LRRC4C: variants seen among roughly 807,000 people sequenced by gnomAD.
The protein encoded by LRRC4C is leucine rich repeat containing 4C, also known as leucine-rich repeat-containing protein 4C.
In LRRC4C, 5 loss-of-function variants were observed where a neutral mutation model predicts 33.6. That is an observed-to-expected ratio of 0.15 (90% CI 0.08 to 0.31). The LOEUF (loss-of-function observed/expected upper bound fraction) is 0.31. Among genes scored for constraint, LRRC4C ranks in the 10% least tolerant of loss-of-function variants. The pLI, the probability that LRRC4C is intolerant of heterozygous loss-of-function variation, is 1.00. For missense variants in LRRC4C, 560 were observed against 796.7 expected (o/e 0.70, Z 3.58); for synonymous variants, 329 against 302.0 (o/e 1.09, Z -0.93).
chr11:41,085,752 C>T (rs1939925344), intron 1 of LRRC4C, among the ~76,000 whole-genome samples: 1 of 151,862 alleles, frequency 6.6e-6, no homozygotes, highest in African/African-American at 2.4e-5. Flanking sequence ...GATTGTAACT[C>T]TCCCCTTGTT....
At chr11:41,422,403 A>G (rs1012958682) in intron 1 of LRRC4C, among the ~76,000 whole-genome samples, 1 of 152,070 alleles carries the variant, frequency 6.6e-6, no homozygotes, top group Non-Finnish European at 1.5e-5. Context: ...CAGGTCTAAC[A>G]AAGGCTTTCC....
At chr11:40,247,358 G>C (rs991896537) in intron 4 of LRRC4C, among the ~76,000 whole-genome samples, 1 of 152,038 alleles carries the variant, frequency 6.6e-6, no homozygotes, top group Admixed American at 6.6e-5. Flanking sequence ...CTTGCTTTTA[G>C]TGTCTCCCAA....
rs533791217 is a variant in LRRC4C at position 40,770,900 on chromosome 11, AC to A, written c.-406-122623del. Among the ~76,000 whole-genome samples, 76 of 151,266 alleles carry A rather than the reference AC, an allele frequency of 5.0e-4. 2 individuals carry two copies. In the East Asian group the frequency reaches 0.013, roughly 26 times the overall value. Reference sequence around the variant, plus strand: ...CACTCCTGTGGCTTTGCAGGTTACAACCCCCCCTCCCAGCTGTTTTCATGCA... The same window carrying A: ...CACTCCTGTGGCTTTGCAGGTTACAACCCCCCTCCCAGCTGTTTTCATGCA... On this transcript the variant is annotated intron_variant, in intron 2 of 6. Transcript: ENST00000528697.
intron 1 of LRRC4C, among the ~76,000 whole-genome samples, chr11:41,077,635 C>G (rs1195240098): frequency 6.6e-6 from 1 of 152,130 alleles, no homozygotes; most frequent in Admixed American, 6.5e-5. Context: ...CTTCTTACAC[C>G]TGGGGGCCTA....
intron 1 of LRRC4C, among the ~76,000 whole-genome samples, chr11:41,123,385 G>T (rs1942568921): frequency 7.0e-6 from 1 of 142,566 alleles, no homozygotes; most frequent in African/African-American, 2.7e-5. Flanking sequence ...CCATTCTCCT[G>T]CCTCAGCCTC....
At chr11:40,565,279 G>A (rs1408763641) in intron 3 of LRRC4C, among the ~76,000 whole-genome samples, 4 of 152,120 alleles carry the variant, frequency 2.6e-5, no homozygotes, top group Non-Finnish European at 5.9e-5. Context: ...GCTATCGGGG[G>A]CAGTGTGCCC....
chr11:41,174,658 C>A (rs545911370), intron 1 of LRRC4C, among the ~76,000 whole-genome samples: 5 of 152,058 alleles, frequency 3.3e-5, no homozygotes, highest in Non-Finnish European at 7.4e-5. Flanking sequence ...TGCTCAACTG[C>A]ATTTTGAACA....
At chr11:40,887,628 C>A (rs1418875365) in intron 2 of LRRC4C, among the ~76,000 whole-genome samples, 2 of 151,942 alleles carry the variant, frequency 1.3e-5, no homozygotes, top group African/African-American at 4.8e-5. Context: ...TTGACGAATA[C>A]ATTGCCAAGG....
At chr11:41,235,207 T>G (rs772682676) in intron 1 of LRRC4C, among the ~76,000 whole-genome samples, 1 of 152,058 alleles carries the variant, frequency 6.6e-6, no homozygotes, top group Non-Finnish European at 1.5e-5. Flanking sequence ...AATTTGCATA[T>G]GCATTAAAAA....
intron 1 of LRRC4C, among the ~76,000 whole-genome samples, chr11:41,268,083 G>A (rs1949208088): frequency 6.6e-6 from 1 of 152,032 alleles, no homozygotes; most frequent in Admixed American, 6.6e-5. Flanking sequence ...ATATAATGCT[G>A]TGTTCCAATG....
chr11:40,910,136 G>A (rs946074905), intron 2 of LRRC4C, among the ~76,000 whole-genome samples: 1 of 151,976 alleles, frequency 6.6e-6, no homozygotes, highest in African/African-American at 2.4e-5. Context: ...TTCTACTAAG[G>A]AAAAGACTCT....
At chr11:41,267,521 C>T (rs887430682) in intron 1 of LRRC4C, among the ~76,000 whole-genome samples, 1 of 152,080 alleles carries the variant, frequency 6.6e-6, no homozygotes, top group African/African-American at 2.4e-5. Context: ...TAGCACGATG[C>T]GTGGTAACCA....
intron 4 of LRRC4C, among the ~76,000 whole-genome samples, chr11:40,296,627 C>T (rs573755377): frequency 4.6e-5 from 7 of 152,110 alleles, no homozygotes; most frequent in Non-Finnish European, 1.0e-4. Flanking sequence ...GGCAATACCA[C>T]ATTTGTCACT....
At chr11:41,452,070 T>G (rs1292144039) in intron 1 of LRRC4C, among the ~76,000 whole-genome samples, 1 of 152,168 alleles carries the variant, frequency 6.6e-6, no homozygotes, top group Admixed American at 6.6e-5. Flanking sequence ...TTTTTTACTA[T>G]GTTATTCAAA....
intron 3 of LRRC4C, among the ~76,000 whole-genome samples, chr11:40,610,133 A>C (rs1349940312): frequency 6.6e-6 from 1 of 151,954 alleles, no homozygotes; most frequent in Non-Finnish European, 1.5e-5. Flanking sequence ...AAATCCCCCC[A>C]AAATACTAGC....
chr11:41,199,355 G>A (rs926416122), intron 1 of LRRC4C, among the ~76,000 whole-genome samples: 2 of 151,894 alleles, frequency 1.3e-5, no homozygotes, highest in African/African-American at 2.4e-5. Context: ...ATTCAAAAAC[G>A]GGGAGTGTCA....
In LRRC4C at chr11:40,126,790, A is replaced by G. The variant is rs76229444; in HGVS notation, c.-42-10456T>C. Among the ~76,000 whole-genome samples, 846 of 151,956 alleles carry G rather than the reference A, an allele frequency of 5.6e-3. 32 individuals carry two copies. The East Asian group carries it at 0.11, about 19-fold the overall frequency. Reference sequence around the variant, plus strand: ...AGCCTGACCAACATGGAGGAACCCCATCTCTACTAAAAATACAAAATTAAC... The same window carrying G: ...AGCCTGACCAACATGGAGGAACCCCGTCTCTACTAAAAATACAAAATTAAC... On this transcript the variant is annotated intron_variant, in intron 6 of 6. Transcript: ENST00000528697.
At chr11:40,607,095 T>TAATG (rs1181601388) in intron 3 of LRRC4C, among the ~76,000 whole-genome samples, 2 of 151,974 alleles carry the variant, frequency 1.3e-5, no homozygotes, top group African/African-American at 4.8e-5. Flanking sequence ...AAAGCAAGAG[T>TAATG]AATGTATCTG....
chr11:41,175,168 T>G (rs1349329075), intron 1 of LRRC4C, among the ~76,000 whole-genome samples: 1 of 152,092 alleles, frequency 6.6e-6, no homozygotes, highest in Non-Finnish European at 1.5e-5. Context: ...CTGTGATTCC[T>G]GCAACTTCTC....
Sources: gnomAD v4.1 joint callset for allele counts (sites outside exome capture counted in the v4.1 genomes callset) on GRCh38, gnomAD v4.1.1 for gene constraint, MANE v1.5 for transcripts, NCBI Gene and HGNC (gene_info 2026-07-23, HGNC 2026-07-21) for gene names.